Variants in CLCN4 observed in about 807,000 individuals in gnomAD.
The protein encoded by CLCN4 is H(+)/Cl(-) exchange transporter 4.
A neutral mutation model predicts 41.7 loss-of-function variants in CLCN4; 1 was observed. The observed-to-expected ratio is 0.02, with a 90% CI of 0.01 to 0.11. CLCN4 has a LOEUF of 0.11. Ranked by LOEUF, CLCN4 falls within the 10% of genes least tolerant of loss-of-function variation. CLCN4 has a pLI of 1.00. For synonymous variants in CLCN4, 277 were observed against 285.8 expected (o/e 0.97, Z 0.31); for missense variants, 287 against 661.0 (o/e 0.43, Z 6.20).
chrX:10,227,349 CAT>C (rs1925014855), intron 12 of CLCN4, among the ~76,000 whole-genome samples: 1 of 111,310 alleles, frequency 9.0e-6, no homozygotes, highest in South Asian at 3.8e-4. Flanking sequence ...ATAAAAATAA[CAT>C]CCCTTCATGT....
In CLCN4 at chrX:10,220,667, C is replaced by T; in HGVS notation, c.1982C>T (p.Ala661Val). The T allele has an allele frequency of 5.8e-6, 7 of 1,209,741 alleles. No individual in the cohort carries two copies. Among genetic ancestry groups the T allele is most frequent in the Non-Finnish European group, 7.8e-6 (7 of 893,729 alleles). Residue 661 changes from alanine (A) to valine (V), a missense_variant, in exon 12 of 13, where the codon GCC (alanine) becomes GTC (valine). Ala to Val is a moderately conservative substitution (Grantham distance 64). Coordinates refer to ENST00000380833, the MANE Select transcript of CLCN4 (RefSeq NM_001830.4). ...RRELILAIKNARQRQEGIVSN... is the reference protein window; with the variant it reads ...RRELILAIKNVRQRQEGIVSN... ...CCTGCTCACCCCATTCTAGAGAACG[C>T]CAGACAGAGGCAGGAGGGCATTGTG...
Position 10,195,238 on chromosome X carries a change from G to A in CLCN4, c.432+140G>A, listed in dbSNP as rs1924066788. On this transcript the variant is annotated intron_variant, in intron 5 of 12. Transcript: ENST00000380833. The stretch of plus-strand genomic sequence containing the variant: ...AGTTCGTGGCTTAACACTAGATGAC[G>A]GGCTTTTTCCAGCTCTAATGCTACC... 23 of 559,466 alleles carry A rather than the reference G, an allele frequency of 4.1e-5. No homozygotes were observed. The South Asian group carries it at 5.9e-4, about 14-fold the overall frequency. 46.1% of individuals were successfully genotyped at this position (559,466 alleles called of 1,213,427 possible).
intron 11 of CLCN4, among the ~76,000 whole-genome samples, chrX:10,219,162 C>T (rs1459103983): frequency 8.9e-6 from 1 of 112,085 alleles, no homozygotes; most frequent in Admixed American, 9.4e-5. Flanking sequence ...GCAAGTGGAT[C>T]GACCATTTAT....
chrX:10,205,436 G>A (rs1924355697), intron 6 of CLCN4, among the ~76,000 whole-genome samples: 1 of 93,172 alleles, frequency 1.1e-5, no homozygotes, highest in Non-Finnish European at 2.0e-5. Context: ...CCGCACCACT[G>A]CACTCCAGCC....
At chrX:10,194,480 C>T (rs959996371) in intron 4 of CLCN4, among the ~76,000 whole-genome samples, 3 of 111,849 alleles carry the variant, frequency 2.7e-5, no homozygotes, top group African/African-American at 9.8e-5. Flanking sequence ...GTGAGGCCGT[C>T]GTAGTTGTTA....
rs1158662951 is a variant in CLCN4, at chrX:10,158,369, C to A, written c.-194C>A. ...TTTCTGGCCATCGACCCTCACCTCC[C>A]GGGACTTCCAGGGTCTTCCCCCCAC... is the stretch of plus-strand genomic sequence containing the variant. On this transcript the variant is annotated 5_prime_UTR_variant, in exon 2 of 13. Transcript: ENST00000380833. 10 of 294,803 alleles carry A rather than the reference C, an allele frequency of 3.4e-5. No individual in the cohort carries two copies. Among genetic ancestry groups the A allele is most frequent in the Admixed American group, 6.1e-5 (1 of 16,451 alleles). The allele number at this position is 294,803 out of a possible 1,213,427, so 24.3% of individuals were successfully genotyped here.
intron 12 of CLCN4, 49 bp from the exon 13 acceptor site, chrX:10,233,445 G>A: frequency 1.1e-6 from 1 of 939,088 alleles, no homozygotes; most frequent in Non-Finnish European, 1.5e-6. Flanking sequence ...AGAGGGATGA[G>A]TCGTCGTTTC....
intron 2 of CLCN4, among the ~76,000 whole-genome samples, chrX:10,178,999 C>T (rs941583575): frequency 2.7e-5 from 3 of 111,940 alleles, no homozygotes; most frequent in Non-Finnish European, 3.8e-5. Context: ...ATTGTGATAA[C>T]TTTTGAGAGG....
At position 10,169,780 on chromosome X, in the gene CLCN4, TCTTTTC is replaced by T. The variant is rs1569223417; in HGVS notation, c.-12+11230_-12+11235del. Among the ~76,000 whole-genome samples, 186 of 100,547 alleles carry T rather than the reference TCTTTTC, an allele frequency of 1.8e-3. 11 individuals are homozygous for T. Among genetic ancestry groups the T allele is most frequent in the African/African-American group, 3.4e-3 (88 of 25,647 alleles). 87.3% of individuals were successfully genotyped at this position (100,547 alleles called of 115,157 possible). Reference sequence around the variant, plus strand: ...TTTCTTGATTCTTTTTTTTTCTTTTTCTTTTCTTTTCTTTTTTTTTTTTTTTGAGAT... The same window carrying T: ...TTTCTTGATTCTTTTTTTTTCTTTTTTTTTCTTTTTTTTTTTTTTTGAGAT... On this transcript the variant is annotated intron_variant, in intron 2 of 12. Coordinates refer to ENST00000380833, the MANE Select transcript of CLCN4 (RefSeq NM_001830.4).
At position 10,185,125 on chromosome X, in the gene CLCN4, C is replaced by T; in HGVS notation, c.93C>T (p.His31=). 8.3e-7 allele frequency: 1 copy of T among 1,210,229 alleles called. No homozygotes were observed. The highest frequency in any genetic ancestry group is 1.1e-6 in the Non-Finnish European group (1 of 894,553). ...FPDVGTYEDF[H]TIDWLREKSR... ...ATGTGGGGACGTATGAGGACTTCCA[C>T]ACCATCGACTGGCTAAGGGAAAAGT... The change falls in exon 3 of 13, where the codon CAC becomes CAT. Residue 31 remains histidine, a synonymous_variant. Transcript: ENST00000380833.
chrX:10,212,685 C>T lies in CLCN4; in HGVS notation c.1576+32C>T, dbSNP rs201538709. ...CCATGGGTGGGGCAGGGAGGGGGAC[C>T]GGGGAACTAATCTGGCTTAGAGGAC... On this transcript the variant is annotated intron_variant, in intron 10 of 12. Transcript: ENST00000380833. 8.6e-5 allele frequency: 99 copies of T among 1,151,547 alleles called. No individual in the cohort carries two copies. In the East Asian group the frequency reaches 2.6e-3, roughly 30 times the overall value. The allele number at this position is 1,151,547 out of a possible 1,213,427, so 94.9% of individuals were successfully genotyped here. A position where few individuals can be genotyped will look rare whatever the true frequency, so the allele number is the denominator to read the frequency against.
At chrX:10,165,373 G>C (rs949154852) in intron 2 of CLCN4, among the ~76,000 whole-genome samples, 7 of 112,771 alleles carry the variant, frequency 6.2e-5, no homozygotes, top group Admixed American at 5.6e-4. Flanking sequence ...ACCTGCCCTG[G>C]GGACGACACA....
At position 10,195,050 on chromosome X, in the gene CLCN4, G is replaced by A; in HGVS notation, c.384G>A (p.Lys128=). The change falls in exon 5 of 13, where the codon AAG becomes AAA. Residue 128 remains lysine, a synonymous_variant. Coordinates refer to ENST00000380833, the MANE Select transcript of CLCN4 (RefSeq NM_001830.4). ...SNETTFEDRD[K]CPLWQKWSEL... ...AGACCACTTTTGAGGACAGAGACAA[G>A]TGTCCCCTGTGGCAGAAATGGTCGG... 8.3e-7 allele frequency: 1 copy of A among 1,211,613 alleles called. No homozygotes were observed. Among genetic ancestry groups the A allele is most frequent in the East Asian group, 3.0e-5 (1 of 33,841 alleles).
chrX:10,199,073 GAA>G (rs1343223934), intron 6 of CLCN4, among the ~76,000 whole-genome samples: 2 of 112,518 alleles, frequency 1.8e-5, no homozygotes, highest in Admixed American at 1.9e-4. Flanking sequence ...ATAGAAAAAA[GAA>G]GTCTTAATAT....
intron 12 of CLCN4, among the ~76,000 whole-genome samples, chrX:10,222,745 C>T (rs1924891113): frequency 9.0e-6 from 1 of 111,725 alleles, no homozygotes; most frequent in Non-Finnish European, 1.9e-5. Flanking sequence ...CTATTCATTC[C>T]ACTTTCTTCC....
chrX:10,224,611 C>A (rs1355319669), intron 12 of CLCN4, among the ~76,000 whole-genome samples: 1 of 111,059 alleles, frequency 9.0e-6, no homozygotes, highest in African/African-American at 3.3e-5. Context: ...ATTTAAAGTT[C>A]CGGGATACAT....
At chrX:10,175,355 T>G (rs1024915534) in intron 2 of CLCN4, among the ~76,000 whole-genome samples, 1 of 110,835 alleles carries the variant, frequency 9.0e-6, no homozygotes, top group African/African-American at 3.3e-5. Context: ...CATACAGGCT[T>G]GTTGGACCAG....
chrX:10,209,862 A>G (rs1924499834), intron 9 of CLCN4, among the ~76,000 whole-genome samples: 1 of 107,095 alleles, frequency 9.3e-6, no homozygotes, highest in African/African-American at 3.5e-5. Context: ...GGTAAAACCC[A>G]TAAAACATAA....
At chrX:10,218,383 A>G (rs1924782474) in intron 11 of CLCN4, among the ~76,000 whole-genome samples, 1 of 111,945 alleles carries the variant, frequency 8.9e-6, no homozygotes, top group Admixed American at 9.5e-5. Flanking sequence ...CAGACTCCCA[A>G]GTGTTCCTAG....
Sources: gnomAD v4.1 joint callset for allele counts (sites outside exome capture counted in the v4.1 genomes callset) on GRCh38, gnomAD v4.1.1 for gene constraint, MANE v1.5 for transcripts, NCBI Gene and HGNC (gene_info 2026-07-23, HGNC 2026-07-21) for gene names.